DIAPH3: variants seen among roughly 807,000 people sequenced by gnomAD.
DIAPH3 encodes protein diaphanous homolog 3.
A neutral mutation model predicts 144.3 loss-of-function variants in DIAPH3; 117 were observed. That is an observed-to-expected ratio of 0.81 (90% CI 0.70 to 0.95). The LOEUF (loss-of-function observed/expected upper bound fraction) is 0.95. Among genes scored for constraint, DIAPH3 ranks in the 40% least tolerant of loss-of-function variants. DIAPH3 has a pLI of 0.00. For missense variants in DIAPH3, 1,421 were observed against 1,412.7 expected (o/e 1.01, Z -0.09); for synonymous variants, 519 against 488.9 (o/e 1.06, Z -0.81).
chr13:59,778,314 G>A (rs2038533156), intron 25 of DIAPH3, among the ~76,000 whole-genome samples: 1 of 152,126 alleles, frequency 6.6e-6, no homozygotes, highest in South Asian at 2.1e-4. Context: ...TTGTTTATGT[G>A]ACTCTTTCTA....
At chr13:59,710,999 C>A (rs115537583) in intron 27 of DIAPH3, among the ~76,000 whole-genome samples, 1 of 152,168 alleles carries the variant, frequency 6.6e-6, no homozygotes, top group Non-Finnish European at 1.5e-5. Flanking sequence ...GGCCAAGAAG[C>A]GAGGCTTTAC....
chr13:59,670,956 A>G (rs2032341386), intron 27 of DIAPH3, among the ~76,000 whole-genome samples: 1 of 152,140 alleles, frequency 6.6e-6, no homozygotes, highest in Admixed American at 6.5e-5. Flanking sequence ...TCAGCGTCAC[A>G]AAGTGCTGGG....
intron 22 of DIAPH3, among the ~76,000 whole-genome samples, chr13:59,848,345 T>C (rs547911611): frequency 3.1e-4 from 44 of 143,390 alleles, no homozygotes; most frequent in South Asian, 2.0e-3. Context: ...CTTTAAGTTT[T>C]AGGGTACATG....
intron 1 of DIAPH3, among the ~76,000 whole-genome samples, chr13:60,157,289 C>A (rs1463228566): frequency 6.6e-6 from 1 of 152,096 alleles, no homozygotes; most frequent in Admixed American, 6.6e-5. Flanking sequence ...AGTACATGGG[C>A]CTTGTCTTCA....
intron 4 of DIAPH3, among the ~76,000 whole-genome samples, chr13:60,078,612 T>C (rs17057595): frequency 0.049 from 7,415 of 152,046 alleles, 280 homozygotes; most frequent in African/African-American, 0.096. Context: ...ATGTCATGAA[T>C]CTAACATACC....
intron 17 of DIAPH3, among the ~76,000 whole-genome samples, chr13:59,959,935 A>G (rs889831670): frequency 7.2e-5 from 11 of 152,228 alleles, no homozygotes; most frequent in Non-Finnish European, 2.9e-5. Context: ...AAAATAGATG[A>G]GAAGCTAACC....
chr13:59,704,903 T>C (rs1360438601), intron 27 of DIAPH3, among the ~76,000 whole-genome samples: 1 of 152,242 alleles, frequency 6.6e-6, no homozygotes, highest in Non-Finnish European at 1.5e-5. Flanking sequence ...CAGCAGAATG[T>C]AACTTCCAGG....
chr13:60,067,936 CA>C (rs2057037548), intron 4 of DIAPH3, among the ~76,000 whole-genome samples: 1 of 152,092 alleles, frequency 6.6e-6, no homozygotes, highest in Non-Finnish European at 1.5e-5. Flanking sequence ...CACACATATA[CA>C]CATAGAGAAT....
intron 25 of DIAPH3, among the ~76,000 whole-genome samples, chr13:59,807,821 T>C (rs1182894218): frequency 6.6e-6 from 1 of 152,044 alleles, no homozygotes; most frequent in Non-Finnish European, 1.5e-5. Flanking sequence ...TTTCTTTAAA[T>C]CTATTGTTAA....
At chr13:60,030,290 A>C (rs1005273828) in intron 5 of DIAPH3, among the ~76,000 whole-genome samples, 1 of 152,156 alleles carries the variant, frequency 6.6e-6, no homozygotes, top group African/African-American at 2.4e-5. Context: ...ATCCTGTGCT[A>C]TATTTTAGTG....
chr13:60,160,174 A>C (rs1189127204), intron 1 of DIAPH3, among the ~76,000 whole-genome samples: 3 of 152,202 alleles, frequency 2.0e-5, no homozygotes, highest in Admixed American at 1.3e-4. Context: ...CAGTGAGCCG[A>C]GATCACGCCT....
At chr13:60,092,494 T>C (rs2057973466) in intron 4 of DIAPH3, among the ~76,000 whole-genome samples, 1 of 152,000 alleles carries the variant, frequency 6.6e-6, no homozygotes, top group South Asian at 2.1e-4. Flanking sequence ...CTAATAAAAA[T>C]ACAAAAAATT....
intron 5 of DIAPH3, among the ~76,000 whole-genome samples, chr13:60,041,944 T>G (rs989854760): frequency 6.6e-6 from 1 of 152,134 alleles, no homozygotes; most frequent in Non-Finnish European, 1.5e-5. Context: ...ACAATTAACA[T>G]ACATGATATA....
chr13:60,020,420 T>C (rs1207932762), intron 5 of DIAPH3, among the ~76,000 whole-genome samples: 1 of 152,050 alleles, frequency 6.6e-6, no homozygotes, highest in African/African-American at 2.4e-5. Context: ...CAGGCTGGAG[T>C]ACAGTGACAC....
intron 4 of DIAPH3, among the ~76,000 whole-genome samples, chr13:60,060,157 G>A (rs1389780309): frequency 2.0e-5 from 3 of 151,842 alleles, no homozygotes; most frequent in African/African-American, 7.3e-5. Flanking sequence ...GTTTATATTA[G>A]TAAAAAGCTC....
intron 27 of DIAPH3, among the ~76,000 whole-genome samples, chr13:59,673,136 G>C (rs1004518021): frequency 1.3e-5 from 2 of 152,138 alleles, no homozygotes; most frequent in Non-Finnish European, 2.9e-5. Context: ...ACCAGGATAG[G>C]TTCAGCCTCT....
intron 22 of DIAPH3, among the ~76,000 whole-genome samples, chr13:59,859,120 A>G (rs2043424654): frequency 6.6e-6 from 1 of 152,100 alleles, no homozygotes; most frequent in Non-Finnish European, 1.5e-5. Context: ...TTCTCCTCAA[A>G]TCTCATTAAT....
intron 10 of DIAPH3, 85 bp from the exon 11 acceptor site, chr13:59,992,271 C>G (rs2051874423): frequency 8.4e-7 from 1 of 1,183,766 alleles, no homozygotes; most frequent in Non-Finnish European, 1.2e-6. Context: ...AATAAACCAA[C>G]CATTCAACTT....
intron 21 of DIAPH3, among the ~76,000 whole-genome samples, chr13:59,868,101 G>A (rs750388242): frequency 2.6e-5 from 4 of 152,038 alleles, no homozygotes; most frequent in Non-Finnish European, 4.4e-5. Context: ...GCAGGCATGC[G>A]CAAATCAGTA....
Sources: gnomAD v4.1 joint callset for allele counts (sites outside exome capture counted in the v4.1 genomes callset) on GRCh38, gnomAD v4.1.1 for gene constraint, MANE v1.5 for transcripts, NCBI Gene and HGNC (gene_info 2026-07-23, HGNC 2026-07-21) for gene names.